PRKDC: variants seen among roughly 807,000 people sequenced by gnomAD.
The protein encoded by PRKDC is DNA-dependent protein kinase catalytic subunit.
A neutral mutation model predicts 486.9 loss-of-function variants in PRKDC; 82 were observed. That is an observed-to-expected ratio of 0.17 (90% CI 0.14 to 0.20). The LOEUF (loss-of-function observed/expected upper bound fraction) is 0.20. PRKDC is among the 10% of genes least tolerant of loss of function. The pLI is 1.00. For synonymous variants in PRKDC, 1,895 were observed against 1,837.0 expected (o/e 1.03, Z -0.81); for missense variants, 4,504 against 5,038.2 (o/e 0.89, Z 3.21).
chr8:47,950,914 G>C (rs911648389), intron 7 of PRKDC, among the ~76,000 whole-genome samples: 6 of 152,146 alleles, frequency 3.9e-5, no homozygotes, highest in African/African-American at 1.4e-4. Flanking sequence ...GTTCAAGACT[G>C]CAGTGAGCCA....
At chr8:47,803,077 G>A (rs1338520466) in intron 70 of PRKDC, among the ~76,000 whole-genome samples, 2 of 152,222 alleles carry the variant, frequency 1.3e-5, no homozygotes, top group African/African-American at 2.4e-5. Flanking sequence ...GTGAGCCACT[G>A]CGCCCAGGCT....
Position 47,782,643 on chromosome 8 carries a change from G to T in PRKDC, c.11176-45C>A. On this transcript the variant is annotated intron_variant, in intron 78 of 85. Transcript: ENST00000314191. This position sits in a 1 kb window ranked among gnomAD's most constrained non-coding sequence, Gnocchi z 4.9. ...ATCTCAGGGCACAGGCTAGCCACGTGTCAAACTCAGAGGGAAAAGCCAGAG... is the reference window on the plus strand; with the variant it reads ...ATCTCAGGGCACAGGCTAGCCACGTTTCAAACTCAGAGGGAAAAGCCAGAG... The T allele has an allele frequency of 1.3e-6, 2 of 1,535,448 alleles. No homozygotes were observed.
intron 78 of PRKDC, 56 bp downstream of exon 78, chr8:47,783,686 C>A: frequency 6.4e-7 from 1 of 1,553,330 alleles, no homozygotes; most frequent in Non-Finnish European, 8.9e-7. Context: ...ACAGATCATT[C>A]TCATCTGAAG....
chr8:47,828,591 G>A (rs1265761170), intron 61 of PRKDC, among the ~76,000 whole-genome samples: 2 of 152,150 alleles, frequency 1.3e-5, no homozygotes, highest in Non-Finnish European at 2.9e-5. Flanking sequence ...TTAAAAGCTG[G>A]CTTAATCAAT....
At chr8:47,951,495 AG>A in intron 7 of PRKDC, among the ~76,000 whole-genome samples, 1 of 152,230 alleles carries the variant, frequency 6.6e-6, no homozygotes, top group African/African-American at 2.4e-5. Flanking sequence ...GAGCCAAGGC[AG>A]GAGGATCACT....
At chr8:47,882,310 AG>A (rs1343402018) in intron 36 of PRKDC, among the ~76,000 whole-genome samples, 2 of 152,236 alleles carry the variant, frequency 1.3e-5, no homozygotes, top group African/African-American at 4.8e-5. Flanking sequence ...CTATGTCATC[AG>A]GCTCATCCAG....
chr8:47,841,247 C>T (rs537036423), intron 54 of PRKDC, among the ~76,000 whole-genome samples: 10 of 152,348 alleles, frequency 6.6e-5, no homozygotes, highest in Admixed American at 5.9e-4. Flanking sequence ...CAGCAGGTCT[C>T]ACTCAGTGTG....
At position 47,857,142 on chromosome 8, in the gene PRKDC, G is replaced by C. The variant is rs1448318471; in HGVS notation, c.6609+14C>G. On this transcript the variant is annotated intron_variant, in intron 49 of 85. Transcript: ENST00000314191. ...AGGATAATATATTAACATAAAAGAT[G>C]CATCAATCCTTACTGTTGGAGTGGC... 1 of 1,610,114 alleles carries C rather than the reference G, an allele frequency of 6.2e-7. No individual in the cohort carries two copies. Among genetic ancestry groups the C allele is most frequent in the Non-Finnish European group, 8.5e-7 (1 of 1,178,448 alleles).
intron 11 of PRKDC, 56 bp downstream of exon 11, chr8:47,939,495 T>C: frequency 1.3e-6 from 2 of 1,548,320 alleles, no homozygotes; most frequent in South Asian, 2.3e-5. Context: ...TGAATTAGAT[T>C]CCTTTAAACA....
At chr8:47,785,457 G>A (rs373819392) in intron 76 of PRKDC, 140 bp from the exon 77 acceptor site, 3 of 729,560 alleles carry the variant, frequency 4.1e-6, no homozygotes, top group Non-Finnish European at 6.6e-6. Flanking sequence ...GTTTTGGTTG[G>A]GCATGGTGGC....
At chr8:47,925,609 T>C (rs943117343) in intron 21 of PRKDC, among the ~76,000 whole-genome samples, 2 of 152,244 alleles carry the variant, frequency 1.3e-5, no homozygotes, top group Non-Finnish European at 2.9e-5. Context: ...TGGAAGAATA[T>C]GTATCCATGT....
chr8:47,900,505 C>G, intron 27 of PRKDC, 38 bp from the exon 28 acceptor site: 2 of 1,490,002 alleles, frequency 1.3e-6, no homozygotes, highest in South Asian at 1.2e-5. Context: ...CCTAAGAAAA[C>G]AATAAAGCAG....
chr8:47,943,773 T>C, intron 9 of PRKDC, 80 bp downstream of exon 9: 1 of 1,258,548 alleles, frequency 7.9e-7, no homozygotes, highest in Non-Finnish European at 1.1e-6. Context: ...TTGCTTTCAT[T>C]CAAAGTTTAA....
chr8:47,857,347 C>A lies in PRKDC; in HGVS notation c.6466-48G>T, dbSNP rs780603641. ...AACATCAAAGAATGGTCTTAAATTG[C>A]CAAAATATTAATACAAGACTGTATC... On this transcript the variant is annotated intron_variant, in intron 48 of 85. Transcript: ENST00000314191. The A allele has an allele frequency of 3.9e-6, 6 of 1,554,516 alleles. No individual in the cohort carries two copies. In the South Asian group the frequency reaches 6.1e-5, roughly 16 times the overall value.
Position 47,912,451 on chromosome 8 carries a change from T to A in PRKDC, c.2893A>T (p.Thr965Ser), listed in dbSNP as rs766248588. ...APPMYQLYKRTFPVLLRLACD... is the reference protein window; with the variant it reads ...APPMYQLYKRSFPVLLRLACD... The stretch of plus-strand genomic sequence containing the variant: ...GCAAGTCGAAGCAGCACAGGAAACG[T>A]CCGCTTATAGAGCTGGTACATGGGT... Residue 965 changes from threonine (T) to serine (S), a missense_variant, in exon 25 of 86, where the codon ACG becomes TCG. By Grantham distance (58) the Thr-to-Ser change is moderately conservative. Coordinates refer to ENST00000314191, the MANE Select transcript of PRKDC (RefSeq NM_006904.7). 6.2e-6 allele frequency: 10 copies of A among 1,608,766 alleles called. No homozygotes were observed. In the South Asian group the frequency reaches 1.1e-4, roughly 18 times the overall value.
At chr8:47,789,380 C>T (rs958196004) in intron 74 of PRKDC, 142 bp from the exon 75 acceptor site, 7 of 235,808 alleles carry the variant, frequency 3.0e-5, no homozygotes, top group Non-Finnish European at 3.9e-5. Context: ...ATAATTTATA[C>T]ATATCATATA....
chr8:47,777,106 T>A (rs1021705983), intron 84 of PRKDC, 123 bp from the exon 85 acceptor site: 1 of 1,233,492 alleles, frequency 8.1e-7, no homozygotes, highest in African/African-American at 1.5e-5. Context: ...GCAGCCTTGC[T>A]TTCTACAGCT....
intron 68 of PRKDC, among the ~76,000 whole-genome samples, chr8:47,814,911 C>T (rs542077577): frequency 1.3e-5 from 2 of 152,212 alleles, no homozygotes; most frequent in African/African-American, 4.8e-5. Context: ...GCCTGTAATC[C>T]CAGCACACTG....
At chr8:47,891,588 C>T (rs1424815736) in intron 31 of PRKDC, among the ~76,000 whole-genome samples, 1 of 151,838 alleles carries the variant, frequency 6.6e-6, no homozygotes. Flanking sequence ...GGCGTGGTGG[C>T]GGGCACCTGT....
Sources: allele counts gnomAD v4.1 joint callset (sites outside exome capture counted in the v4.1 genomes callset), GRCh38; gene constraint gnomAD v4.1.1; non-coding constraint Gnocchi (gnomAD v3.1); transcripts MANE v1.5; gene names NCBI Gene and HGNC (gene_info 2026-07-23, HGNC 2026-07-21).